The following MYO3B variants were observed in gnomAD, a reference collection of about 807,000 sequenced individuals.
The protein encoded by MYO3B is myosin IIIB.
MYO3B carries 156 observed loss-of-function variants against 174.6 expected under a neutral mutation model. The ratio of observed to expected loss-of-function variants is 0.89; its 90% CI spans 0.78 to 1.02. The LOEUF is 1.02. Ranked by LOEUF, MYO3B falls within the 50% of genes least tolerant of loss-of-function variation. The probability of loss-of-function intolerance (pLI) is 0.00; values close to 1 mark genes in which losing one functional copy is unlikely to be tolerated. For synonymous variants in MYO3B, 563 were observed against 569.1 expected (o/e 0.99, Z 0.15); for missense variants, 1,632 against 1,639.4 (o/e 1.00, Z 0.08).
chr2:170,330,057 C>A (rs965050275), intron 7 of MYO3B, among the ~76,000 whole-genome samples: 18 of 152,108 alleles, frequency 1.2e-4, no homozygotes, highest in Non-Finnish European at 2.4e-4. Flanking sequence ...ATACTTCATT[C>A]TTTCTATCTT....
intron 22 of MYO3B, among the ~76,000 whole-genome samples, chr2:170,409,971 A>G (rs2105821887): frequency 6.6e-6 from 1 of 152,354 alleles, no homozygotes; most frequent in African/African-American, 2.4e-5. Context: ...ACTGGACAGA[A>G]ATAAGTTATG....
chr2:170,608,147 G>A (rs986326342), intron 32 of MYO3B, among the ~76,000 whole-genome samples: 1 of 152,214 alleles, frequency 6.6e-6, no homozygotes, highest in African/African-American at 2.4e-5. Context: ...GGCGGAGGTT[G>A]CAGTGAGCCA....
intron 32 of MYO3B, among the ~76,000 whole-genome samples, chr2:170,552,821 A>G (rs939114155): frequency 6.6e-6 from 1 of 152,168 alleles, no homozygotes; most frequent in African/African-American, 2.4e-5. Flanking sequence ...TTAGAGGGAA[A>G]AATGGTTTCC....
intron 25 of MYO3B, among the ~76,000 whole-genome samples, chr2:170,493,042 G>C (rs16858498): frequency 0.064 from 9,676 of 152,222 alleles, 961 homozygotes; most frequent in African/African-American, 0.21. Context: ...AGGTAATACT[G>C]TTCAAGTTAA....
chr2:170,463,345 C>A, intron 23 of MYO3B, 23 bp from the exon 24 acceptor site: 5 of 1,610,640 alleles, frequency 3.1e-6, no homozygotes, highest in Non-Finnish European at 1.7e-6. Context: ...CCTCAAACCA[C>A]TTGCCTCCAC....
intron 7 of MYO3B, among the ~76,000 whole-genome samples, chr2:170,280,159 C>A (rs1574707567): frequency 6.6e-6 from 1 of 152,166 alleles, no homozygotes; most frequent in African/African-American, 2.4e-5. Context: ...GACATTCTGA[C>A]TGGTGAGAGA....
At chr2:170,363,168 C>G (rs1427530218) in intron 8 of MYO3B, among the ~76,000 whole-genome samples, 1 of 151,680 alleles carries the variant, frequency 6.6e-6, no homozygotes, top group East Asian at 1.9e-4. Flanking sequence ...AAGTAGCAGG[C>G]CTGCAAGAAA....
At chr2:170,541,337 C>T (rs979750918) in intron 30 of MYO3B, among the ~76,000 whole-genome samples, 7 of 152,092 alleles carry the variant, frequency 4.6e-5, no homozygotes, top group Non-Finnish European at 1.0e-4. Flanking sequence ...AGGAGTGAGT[C>T]CTTTGGGCCA....
intron 32 of MYO3B, among the ~76,000 whole-genome samples, chr2:170,614,285 T>C (rs747022351): frequency 6.6e-6 from 1 of 152,102 alleles, no homozygotes; most frequent in African/African-American, 2.4e-5. Context: ...AGTGAGATAA[T>C]TTATATAAGG....
Position 170,551,538 on chromosome 2 carries a change from CAAAAAAAAAAAAAAAAA to C in MYO3B, c.3733+7563_3733+7579del, listed in dbSNP as rs3072763. 4.1e-4 allele frequency among the ~76,000 whole-genome samples: 23 copies of C among 56,206 alleles called. No homozygotes were observed. In the Admixed American group the frequency reaches 4.2e-3, roughly 10 times the overall value. 36.9% of individuals were successfully genotyped at this position (56,206 alleles called of 152,430 possible). On this transcript the variant is annotated intron_variant, in intron 32 of 34. Transcript: ENST00000408978. Reference sequence around the variant, plus strand: ...ATAATGTTTGTTCCCTGACTTTTTGCAAAAAAAAAAAAAAAAAAAAAAAAAAAAATCTAGGCAAGGCC... The same window carrying C: ...ATAATGTTTGTTCCCTGACTTTTTGCAAAAAAAAAAAATCTAGGCAAGGCC...
At chr2:170,232,038 C>T (rs12619644) in intron 6 of MYO3B, among the ~76,000 whole-genome samples, 2,554 of 152,306 alleles carry the variant, frequency 0.017, 45 homozygotes, top group East Asian at 0.094. Context: ...ATGTGACTTA[C>T]AGAACCTGGA....
chr2:170,278,775 A>T (rs1413688987), intron 7 of MYO3B, among the ~76,000 whole-genome samples: 1 of 152,012 alleles, frequency 6.6e-6, no homozygotes, highest in Non-Finnish European at 1.5e-5. Flanking sequence ...CCCCCGCCAC[A>T]TATACCCACA....
At chr2:170,401,794 T>C (rs1046144525) in intron 18 of MYO3B, 103 bp downstream of exon 18, 2 of 1,038,670 alleles carry the variant, frequency 1.9e-6, no homozygotes, top group African/African-American at 1.7e-5. Flanking sequence ...GGGATTTTCT[T>C]TCTTTTTCTT....
intron 25 of MYO3B, among the ~76,000 whole-genome samples, chr2:170,490,907 C>T (rs1038765280): frequency 6.6e-6 from 1 of 152,052 alleles, no homozygotes; most frequent in East Asian, 1.9e-4. Flanking sequence ...TAGGATATCA[C>T]CAATCTCATA....
At chr2:170,461,397 C>T (rs1684270511) in intron 23 of MYO3B, among the ~76,000 whole-genome samples, 1 of 150,168 alleles carries the variant, frequency 6.7e-6, no homozygotes, top group South Asian at 2.1e-4. Flanking sequence ...CACTTCAACC[C>T]CAGAGGTGGA....
At chr2:170,416,384 C>A (rs534503725) in intron 22 of MYO3B, among the ~76,000 whole-genome samples, 1 of 151,854 alleles carries the variant, frequency 6.6e-6, no homozygotes, top group East Asian at 1.9e-4. Context: ...ATTAGCCAGG[C>A]GTGGTGGTGC....
chr2:170,539,970 C>T (rs1575136501), intron 30 of MYO3B, among the ~76,000 whole-genome samples: 1 of 152,088 alleles, frequency 6.6e-6, no homozygotes, highest in Non-Finnish European at 1.5e-5. Context: ...TCACCTTTTC[C>T]ATAGTCAATA....
chr2:170,343,030 A>AAC (rs56221872), intron 8 of MYO3B, among the ~76,000 whole-genome samples: 6,779 of 135,854 alleles, frequency 0.05, 198 homozygotes, highest in Middle Eastern at 0.075. Flanking sequence ...TCGGGCCTCT[A>AAC]ACACACACAC....
At chr2:170,244,287 AG>A (rs2093167367) in intron 7 of MYO3B, among the ~76,000 whole-genome samples, 3 of 152,162 alleles carry the variant, frequency 2.0e-5, no homozygotes, top group Admixed American at 1.3e-4. Context: ...TTCTAAACTT[AG>A]GGTCATTGAT....
Sources: allele counts gnomAD v4.1 joint callset (sites outside exome capture counted in the v4.1 genomes callset), GRCh38; gene constraint gnomAD v4.1.1; transcripts MANE v1.5; gene names NCBI Gene and HGNC (gene_info 2026-07-23, HGNC 2026-07-21).